ABHD2: variants seen among roughly 807,000 people sequenced by gnomAD.
ABHD2 encodes the protein abhydrolase domain containing 2, acylglycerol lipase.
ABHD2 carries 20 observed loss-of-function variants against 48.1 expected under a neutral mutation model. The observed-to-expected ratio is 0.42, with a 90% confidence interval of 0.29 to 0.60. ABHD2 has a LOEUF of 0.60. Among genes scored for constraint, ABHD2 ranks in the 20% least tolerant of loss-of-function variants. The probability of loss-of-function intolerance (pLI) is 0.24; values close to 1 mark genes in which losing one functional copy is unlikely to be tolerated. For synonymous variants in ABHD2, 209 were observed against 214.2 expected (o/e 0.98, Z 0.21); for missense variants, 405 against 550.9 (o/e 0.74, Z 2.65).
chr15:89,156,174 G>A (rs1484501620), intron 5 of ABHD2, among the ~76,000 whole-genome samples: 3 of 134,118 alleles, frequency 2.2e-5, no homozygotes, highest in African/African-American at 8.5e-5. Flanking sequence ...AGGCTGGAGT[G>A]CAGTGGCACG....
chr15:89,138,195 G>C (rs538949593), intron 3 of ABHD2, among the ~76,000 whole-genome samples: 1 of 152,328 alleles, frequency 6.6e-6, no homozygotes, highest in South Asian at 2.1e-4. Context: ...GCCCTTGCCG[G>C]CTTCCTTACC....
intron 1 of ABHD2, among the ~76,000 whole-genome samples, chr15:89,098,421 C>G (rs2049648545): frequency 6.6e-6 from 1 of 152,128 alleles, no homozygotes; most frequent in Non-Finnish European, 1.5e-5. Context: ...GCCAGACACT[C>G]TGTCCTGAGG....
chr15:89,175,861 T>A lies in ABHD2; in HGVS notation c.588T>A (p.Tyr196Ter). The A allele has an allele frequency of 6.2e-7, 1 of 1,614,056 alleles. No homozygotes were observed. Among genetic ancestry groups the A allele is most frequent in the Admixed American group, 1.7e-5 (1 of 60,012 alleles). Residue 196 changes from tyrosine to a stop codon, truncating the protein, a stop_gained, in exon 6 of 11, where the codon TAT (tyrosine) becomes TAA (stop). Transcript: ENST00000352732. LOFTEE classifies it high-confidence loss of function. This position sits in a 1 kb window ranked among gnomAD's most constrained non-coding sequence, Gnocchi z 5.7. ...TGGTGAACTACATCAAGAAGACATATCCCCTGACCCAGCTGGTCGTCGTGG... is the reference window on the plus strand; with the variant it reads ...TGGTGAACTACATCAAGAAGACATAACCCCTGACCCAGCTGGTCGTCGTGG... The part of the protein sequence containing the change: ...GAMVNYIKKT[Y>*]PLTQLVVVGF...
Position 89,166,810 on chromosome 15 carries a change from A to G in ABHD2, c.539-9002A>G, listed in dbSNP as rs2050844604. Among the ~76,000 whole-genome samples the G allele has an allele frequency of 6.6e-6, 1 of 152,180 alleles. No individual in the cohort carries two copies. Among genetic ancestry groups the G allele is most frequent in the Non-Finnish European group, 1.5e-5 (1 of 68,038 alleles). On this transcript the variant is annotated intron_variant, in intron 5 of 10. Coordinates refer to ENST00000352732, the MANE Select transcript of ABHD2 (RefSeq NM_152924.5). The surrounding 1 kb of genome is among the most constrained non-coding windows in gnomAD (Gnocchi z 4.6). ...GAGTGAGACCCTATCTCTTAAAACA[A>G]ACAAACATATATACAAACAATCTTT...
intron 5 of ABHD2, among the ~76,000 whole-genome samples, chr15:89,163,115 T>C (rs1382591656): frequency 1.3e-5 from 2 of 152,220 alleles, no homozygotes; most frequent in African/African-American, 4.8e-5. Context: ...GCAACTGTGA[T>C]CTTGACCAGA....
intron 6 of ABHD2, among the ~76,000 whole-genome samples, chr15:89,183,051 A>G (rs564341672): frequency 6.6e-6 from 1 of 152,272 alleles, no homozygotes; most frequent in Non-Finnish European, 1.5e-5. Context: ...TAAGTAGTTC[A>G]CTAGGTAGCT....
intron 5 of ABHD2, among the ~76,000 whole-genome samples, chr15:89,170,102 T>TTTTA (rs2050899738): frequency 1.7e-5 from 2 of 116,640 alleles, no homozygotes; most frequent in East Asian, 4.8e-4. Context: ...TTTTTTTTTT[T>TTTTA]TTTTTTTTTT....
chr15:89,137,950 TG>T lies in ABHD2; in HGVS notation c.195-13722del, dbSNP rs1324231707. Among the ~76,000 whole-genome samples the T allele has an allele frequency of 1.3e-5, 2 of 152,018 alleles. No homozygotes were observed. The highest frequency in any genetic ancestry group is 2.9e-5 in the Non-Finnish European group (2 of 67,962). On this transcript the variant is annotated intron_variant, in intron 3 of 10. Transcript: ENST00000352732. This position sits in a 1 kb window ranked among gnomAD's most constrained non-coding sequence, Gnocchi z 4.8. Reference sequence around the variant, plus strand: ...CCCTCCTGAAAAGAAGGGCTTCCAGTGGGGGCTGTGTCCTAGTGGAGAAGGG... The same window carrying T: ...CCCTCCTGAAAAGAAGGGCTTCCAGTGGGGCTGTGTCCTAGTGGAGAAGGG...
chr15:89,171,807 C>T (rs1265688802), intron 5 of ABHD2, among the ~76,000 whole-genome samples: 1 of 152,120 alleles, frequency 6.6e-6, no homozygotes, highest in Non-Finnish European at 1.5e-5. Flanking sequence ...TAGAGCAGTG[C>T]GCCACAGCCA....
chr15:89,149,909 G>A (rs1358934855), intron 3 of ABHD2, among the ~76,000 whole-genome samples: 1 of 152,186 alleles, frequency 6.6e-6, no homozygotes, highest in Non-Finnish European at 1.5e-5. Flanking sequence ...ATTGGCGGGT[G>A]GATGATGGAG....
chr15:89,201,823 G>A lies in ABHD2; in HGVS notation c.*6400G>A, dbSNP rs945820028. ...GCCATTGGAGAGACAGCGCAGAGCA[G>A]GGGGCGGCTTGCTCGCTGGGGGCGG... On this transcript the variant is annotated 3_prime_UTR_variant, in exon 11 of 11. Coordinates refer to ENST00000352732, the MANE Select transcript of ABHD2 (RefSeq NM_152924.5). 8 of 1,234,288 alleles carry A rather than the reference G, an allele frequency of 6.5e-6. No homozygotes were observed. In the South Asian group the frequency reaches 7.2e-5, roughly 11 times the overall value. The allele number at this position is 1,234,288 out of a possible 1,614,324, so 76.5% of individuals were successfully genotyped here.
chr15:89,184,456 C>T lies in ABHD2; in HGVS notation c.723-968C>T, dbSNP rs557926375. Among the ~76,000 whole-genome samples, 4 of 152,260 alleles carry T rather than the reference C, an allele frequency of 2.6e-5. No individual in the cohort carries two copies. The highest frequency in any genetic ancestry group is 2.1e-4 in the South Asian group (1 of 4,822). On this transcript the variant is annotated intron_variant, in intron 6 of 10. Coordinates refer to ENST00000352732, the MANE Select transcript of ABHD2 (RefSeq NM_152924.5). The surrounding 1 kb of genome is among the most constrained non-coding windows in gnomAD (Gnocchi z 5.1). ...GGAGTCAGGCCTGGAGATTTTGAAACGTGCAAGATAAAAGTTTCCCTGTAA... is the reference window on the plus strand; with the variant it reads ...GGAGTCAGGCCTGGAGATTTTGAAATGTGCAAGATAAAAGTTTCCCTGTAA...
chr15:89,111,546 G>T (rs2049875347), intron 1 of ABHD2, among the ~76,000 whole-genome samples: 1 of 152,154 alleles, frequency 6.6e-6, no homozygotes, highest in Non-Finnish European at 1.5e-5. Flanking sequence ...TCACTTCATG[G>T]CCCAAGAGGG....
chr15:89,071,176 T>G, the ABHD2 span, among the ~76,000 whole-genome samples: 1 of 152,138 alleles, frequency 6.6e-6, no homozygotes, highest in Non-Finnish European at 1.5e-5. Context: ...TCCCAGCACT[T>G]TGGGAGGCCA....
In ABHD2 at chr15:89,134,775, C is replaced by T. The variant is rs147116098; in HGVS notation, c.195-16902C>T. On this transcript the variant is annotated intron_variant, in intron 3 of 10. Coordinates refer to ENST00000352732, the MANE Select transcript of ABHD2 (RefSeq NM_152924.5). ...GTTCATTTATTCAAGTCTTTGAGCCCGAAAGAGCATTATAAAGTTTTCTTA... is the reference window on the plus strand; with the variant it reads ...GTTCATTTATTCAAGTCTTTGAGCCTGAAAGAGCATTATAAAGTTTTCTTA... Among the ~76,000 whole-genome samples, 670 of 152,178 alleles carry T rather than the reference C, an allele frequency of 4.4e-3. 3 individuals carry two copies. The highest frequency in any genetic ancestry group is 0.015 in the African/African-American group (624 of 41,504).
At chr15:89,171,808 G>A (rs935158017) in intron 5 of ABHD2, among the ~76,000 whole-genome samples, 2 of 152,166 alleles carry the variant, frequency 1.3e-5, no homozygotes, top group African/African-American at 4.8e-5. Flanking sequence ...AGAGCAGTGC[G>A]CCACAGCCAC....
chr15:89,178,546 C>T (rs1411329576), intron 6 of ABHD2, among the ~76,000 whole-genome samples: 2 of 152,200 alleles, frequency 1.3e-5, no homozygotes, highest in African/African-American at 4.8e-5. Flanking sequence ...GCTTCTCCTC[C>T]CGTAGCTCAC....
In ABHD2 at chr15:89,100,655, G is replaced by A. The variant is rs1407381700; in HGVS notation, c.-107+12092G>A. Among the ~76,000 whole-genome samples, 3 of 152,180 alleles carry A rather than the reference G, an allele frequency of 2.0e-5. No individual in the cohort carries two copies. Among genetic ancestry groups the A allele is most frequent in the Non-Finnish European group, 2.9e-5 (2 of 68,038 alleles). ...GAGGCTGAGGTGGGTGGATCACGAG[G>A]TCAGGAGTTCGAGACCAGCCTGGCC... is the stretch of plus-strand genomic sequence containing the variant. On this transcript the variant is annotated intron_variant, in intron 1 of 10. Transcript: ENST00000352732. The surrounding 1 kb of genome is among the most constrained non-coding windows in gnomAD (Gnocchi z 4.4).
rs2049722633 is a variant in ABHD2, at chr15:89,102,845, C to G, written c.-106-10880C>G. ...CTGCCTGATACAGGCAACGTTTGCACAAAAACCCAAAGGAAGAAGGCTGCT... is the reference window on the plus strand; with the variant it reads ...CTGCCTGATACAGGCAACGTTTGCAGAAAAACCCAAAGGAAGAAGGCTGCT... On this transcript the variant is annotated intron_variant, in intron 1 of 10. Transcript: ENST00000352732. The surrounding 1 kb of genome is among the most constrained non-coding windows in gnomAD (Gnocchi z 4.8). Among the ~76,000 whole-genome samples the G allele has an allele frequency of 6.6e-6, 1 of 152,128 alleles. No homozygotes were observed. The highest frequency in any genetic ancestry group is 2.4e-5 in the African/African-American group (1 of 41,400).
Sources: allele counts gnomAD v4.1 joint callset (sites outside exome capture counted in the v4.1 genomes callset), GRCh38; gene constraint gnomAD v4.1.1; non-coding constraint Gnocchi (gnomAD v3.1); transcripts MANE v1.5; gene names NCBI Gene and HGNC (gene_info 2026-07-23, HGNC 2026-07-21).